Variants in NRG1 observed in about 807,000 individuals in gnomAD.
The protein encoded by NRG1 is pro-neuregulin-1, membrane-bound isoform.
Under a neutral mutation model 63.8 loss-of-function variants are expected in NRG1, and 18 were observed. That is an observed-to-expected ratio of 0.28 (90% CI 0.19 to 0.42). The LOEUF is 0.42. NRG1 is among the 10% of genes least tolerant of loss of function. NRG1 has a pLI of 1.00. For synonymous variants in NRG1, 302 were observed against 301.3 expected, an observed-to-expected ratio of 1.00 and a Z score of -0.02; for missense variants, 762 against 814.7, an observed-to-expected ratio of 0.94 and a Z score of 0.79.
chr8:32,256,167 C>G (rs1032140864), intron 1 of NRG1, among the ~76,000 whole-genome samples: 1 of 151,924 alleles, frequency 6.6e-6, no homozygotes, highest in Non-Finnish European at 1.5e-5. Context: ...TATTACCCAC[C>G]TTCTGAAGCC....
At chr8:32,751,273 G>C (rs543841154) in intron 7 of NRG1, 1 of 152,270 alleles carries the variant, frequency 6.6e-6, no homozygotes, top group East Asian at 1.9e-4. Flanking sequence ...GAAAGGTAAG[G>C]GCTCTGTTTC....
chr8:32,618,984 G>T (rs111407792), intron 5 of NRG1, among the ~76,000 whole-genome samples: 1 of 152,118 alleles, frequency 6.6e-6, no homozygotes, highest in African/African-American at 2.4e-5. Flanking sequence ...AGGCCAAGGC[G>T]GGAAGATTGC....
chr8:32,376,518 T>C (rs968969160), intron 1 of NRG1, among the ~76,000 whole-genome samples: 3 of 152,188 alleles, frequency 2.0e-5, no homozygotes, highest in Non-Finnish European at 4.4e-5. Flanking sequence ...ATAAGAGTCT[T>C]CCCAGAGGTT....
chr8:32,505,764 T>A (rs1377190836), intron 1 of NRG1, among the ~76,000 whole-genome samples: 1 of 152,310 alleles, frequency 6.6e-6, no homozygotes, highest in East Asian at 1.9e-4. Flanking sequence ...AGATGGGACT[T>A]TTTCAGCACT....
At chr8:31,693,899 G>A (rs867157004) in intron 1 of NRG1, among the ~76,000 whole-genome samples, 2 of 152,022 alleles carry the variant, frequency 1.3e-5, no homozygotes, top group African/African-American at 2.4e-5. Context: ...GGGCAGTGGC[G>A]AGGTCTTGGC....
chr8:32,311,940 G>A (rs539021688), intron 1 of NRG1, among the ~76,000 whole-genome samples: 1 of 152,186 alleles, frequency 6.6e-6, no homozygotes, highest in Non-Finnish European at 1.5e-5. Context: ...AGTTGAAATT[G>A]CTTCCGATTT....
intron 1 of NRG1, among the ~76,000 whole-genome samples, chr8:32,189,089 A>G (rs966919453): frequency 1.3e-5 from 2 of 152,178 alleles, no homozygotes; most frequent in Non-Finnish European, 2.9e-5. Context: ...TATCCTGTAG[A>G]ACTGTAAGAT....
At chr8:31,743,560 ATGTG>A (rs71974137) in intron 1 of NRG1, among the ~76,000 whole-genome samples, 7 of 151,266 alleles carry the variant, frequency 4.6e-5, no homozygotes, top group Non-Finnish European at 1.0e-4. Flanking sequence ...ATTGTTTAAT[ATGTG>A]TGTGTGTGTG....
intron 1 of NRG1, among the ~76,000 whole-genome samples, chr8:32,430,701 A>G (rs1475373899): frequency 6.6e-6 from 1 of 152,170 alleles, no homozygotes; most frequent in Non-Finnish European, 1.5e-5. Flanking sequence ...GACTAACGAC[A>G]GCATCCATTT....
chr8:32,771,276 ATTTTTTTTTTTTTTTT>A (rs553989637), downstream of NRG1, among the ~76,000 whole-genome samples: 1 of 92,754 alleles, frequency 1.1e-5, no homozygotes, highest in Admixed American at 1.2e-4. Context: ...ATGCCCAGCG[ATTTTTTTTTTTTTTTT>A]TTTTTTTTTT....
At chr8:32,621,488 G>A (rs1336851716) in intron 5 of NRG1, among the ~76,000 whole-genome samples, 1 of 152,148 alleles carries the variant, frequency 6.6e-6, no homozygotes, top group Non-Finnish European at 1.5e-5. Flanking sequence ...GCTGCTGGTA[G>A]CCCCATTTTG....
intron 1 of NRG1, among the ~76,000 whole-genome samples, chr8:32,551,253 C>T (rs1344245661): frequency 6.6e-6 from 1 of 152,218 alleles, no homozygotes; most frequent in Non-Finnish European, 1.5e-5. Flanking sequence ...ACTTGCCGTG[C>T]CAGCCCAAAT....
chr8:31,639,446 G>A, intron 1 of NRG1: 2 of 1,534,428 alleles, frequency 1.3e-6, no homozygotes, highest in South Asian at 1.2e-5. Context: ...ACAGGCTGGC[G>A]AGGCGCAGGA....
chr8:31,901,902 G>A (rs1301343300), intron 1 of NRG1, among the ~76,000 whole-genome samples: 3 of 152,054 alleles, frequency 2.0e-5, no homozygotes, highest in Non-Finnish European at 4.4e-5. Context: ...TGACAATTTT[G>A]TAGAAAGGTC....
chr8:32,475,479 A>AAAAAAAG (rs1213506733), intron 1 of NRG1, among the ~76,000 whole-genome samples: 1 of 150,840 alleles, frequency 6.6e-6, no homozygotes, highest in Non-Finnish European at 1.5e-5. Context: ...AAAAAAAAAA[A>AAAAAAAG]AGTGCCTACT....
At chr8:31,800,564 CAT>C (rs1251023718) in intron 1 of NRG1, among the ~76,000 whole-genome samples, 1 of 152,136 alleles carries the variant, frequency 6.6e-6, no homozygotes, top group Non-Finnish European at 1.5e-5. Context: ...TCTTGGAATG[CAT>C]ATCTCTTCTG....
chr8:31,916,382 G>A (rs895938365), intron 1 of NRG1, among the ~76,000 whole-genome samples: 24 of 152,186 alleles, frequency 1.6e-4, no homozygotes, highest in Middle Eastern at 3.4e-3. Context: ...AGTCCCCAGA[G>A]TGTGATGTTC....
rs1803646563 is a variant in NRG1 at position 31,640,516 on chromosome 8, G to T, written c.37+1085G>T. 1 of 1,611,210 alleles carries T rather than the reference G, an allele frequency of 6.2e-7. No homozygotes were observed. Among genetic ancestry groups the T allele is most frequent in the Admixed American group, 1.7e-5 (1 of 59,906 alleles). ...GGTGAAAGCCGGGGGCTTGAAGAAGGACTCGCTGCTCACCGTGCGCCTGGG... is the reference window on the plus strand; with the variant it reads ...GGTGAAAGCCGGGGGCTTGAAGAAGTACTCGCTGCTCACCGTGCGCCTGGG... On this transcript the variant is annotated intron_variant, in intron 1 of 10. Coordinates refer to the NRG1 transcript ENST00000519301. This position sits in a 1 kb window ranked among gnomAD's most constrained non-coding sequence, Gnocchi z 6.3.
intron 1 of NRG1, among the ~76,000 whole-genome samples, chr8:32,241,116 C>T (rs574725748): frequency 6.6e-6 from 1 of 152,240 alleles, no homozygotes; most frequent in East Asian, 1.9e-4. Flanking sequence ...GCCCTGCAAC[C>T]ACAGAGTTTC....
Sources: gnomAD v4.1 joint callset for allele counts (sites outside exome capture counted in the v4.1 genomes callset) on GRCh38, gnomAD v4.1.1 for gene constraint, Gnocchi (gnomAD v3.1) non-coding constraint, MANE v1.5 for transcripts, NCBI Gene and HGNC (gene_info 2026-07-23, HGNC 2026-07-21) for gene names.